SLC8A3: variants seen among roughly 807,000 people sequenced by gnomAD.
SLC8A3 encodes solute carrier family 8 member A3, also known as sodium/calcium exchanger 3.
SLC8A3 carries 37 observed loss-of-function variants against 65.4 expected under a neutral mutation model. The ratio of observed to expected loss-of-function variants is 0.57; its 90% confidence interval spans 0.44 to 0.74. The LOEUF (loss-of-function observed/expected upper bound fraction) is 0.74. Among genes scored for constraint, SLC8A3 ranks in the 30% least tolerant of loss-of-function variants. The probability of loss-of-function intolerance (pLI) is 0.00; values close to 1 mark genes in which losing one functional copy is unlikely to be tolerated. For synonymous variants in SLC8A3, 461 were observed against 444.5 expected (o/e 1.04, Z -0.47); for missense variants, 1,112 against 1,172.1 (o/e 0.95, Z 0.75).
intron 2 of SLC8A3, among the ~76,000 whole-genome samples, chr14:70,133,697 G>A (rs1895004148): frequency 6.6e-6 from 1 of 152,136 alleles, no homozygotes; most frequent in Admixed American, 6.5e-5. Context: ...TAGGGCAACA[G>A]AGATACAGGA....
intron 2 of SLC8A3, among the ~76,000 whole-genome samples, chr14:70,160,297 T>C (rs745432855): frequency 2.6e-5 from 4 of 152,014 alleles, no homozygotes; most frequent in Non-Finnish European, 5.9e-5. Flanking sequence ...ATACAAAAAG[T>C]AGCCAGGCGT....
intron 2 of SLC8A3, 106 bp from the exon 3 acceptor site, chr14:70,061,045 G>C (rs1888747273): frequency 1.6e-6 from 1 of 610,824 alleles, no homozygotes; most frequent in Non-Finnish European, 2.9e-6. Flanking sequence ...GGCACATGCA[G>C]TCCAGTCCCA....
At chr14:70,182,160 CT>C (rs1882805779) in intron 1 of SLC8A3, among the ~76,000 whole-genome samples, 1 of 152,102 alleles carries the variant, frequency 6.6e-6, no homozygotes, top group Admixed American at 6.5e-5. Context: ...GCCAGGGTGA[CT>C]GGAAGTTTGT....
rs554213779 is a variant in SLC8A3, at chr14:70,128,457, C to T, written c.1784+38182G>A. ...TACTACTCATTCCTTCCTCAACAGG[C>T]CCTGCACTTTCTTCTCTTGACCAAA... On this transcript the variant is annotated intron_variant, in intron 2 of 6. Coordinates refer to ENST00000356921, the MANE Select transcript of SLC8A3 (RefSeq NM_182932.3). 7.2e-5 allele frequency among the ~76,000 whole-genome samples: 11 copies of T among 152,286 alleles called. No individual in the cohort carries two copies. In the East Asian group the frequency reaches 1.4e-3, roughly 19 times the overall value.
At chr14:70,116,123 C>A (rs1314933448) in intron 2 of SLC8A3, among the ~76,000 whole-genome samples, 1 of 152,076 alleles carries the variant, frequency 6.6e-6, no homozygotes, top group African/African-American at 2.4e-5. Context: ...GCTGAAAGCT[C>A]AGAGAGGGGG....
chr14:70,087,644 CA>C (rs1187302630), intron 2 of SLC8A3, among the ~76,000 whole-genome samples: 11 of 152,158 alleles, frequency 7.2e-5, no homozygotes, highest in Admixed American at 5.2e-4. Flanking sequence ...CTGCCATTTA[CA>C]ATTTTAGCTC....
At position 70,146,950 on chromosome 14, in the gene SLC8A3, G is replaced by A. The variant is rs189033051; in HGVS notation, c.1784+19689C>T. 2.0e-5 allele frequency among the ~76,000 whole-genome samples: 3 copies of A among 152,276 alleles called. No homozygotes were observed. In the East Asian group the frequency reaches 5.8e-4, roughly 29 times the overall value. On this transcript the variant is annotated intron_variant, in intron 2 of 6. Transcript: ENST00000356921. ...ACGTATATATTAAATAAAGTGTCTTGAAGCAGAAACACACATAAGACAAGG... is the reference window on the plus strand; with the variant it reads ...ACGTATATATTAAATAAAGTGTCTTAAAGCAGAAACACACATAAGACAAGG...
intron 1 of SLC8A3, among the ~76,000 whole-genome samples, chr14:70,170,134 G>C (rs11850592): frequency 6.6e-6 from 1 of 151,744 alleles, no homozygotes; most frequent in South Asian, 2.1e-4. Flanking sequence ...TAAGCATATC[G>C]CTCCCCTGTT....
intron 2 of SLC8A3, among the ~76,000 whole-genome samples, chr14:70,069,216 G>C (rs150949): frequency 0.1 from 15,204 of 152,258 alleles, 923 homozygotes; most frequent in African/African-American, 0.16. Context: ...AGGAGGCACA[G>C]AATTTCCACA....
chr14:70,144,561 A>G (rs1895798990), intron 2 of SLC8A3, among the ~76,000 whole-genome samples: 1 of 151,518 alleles, frequency 6.6e-6, no homozygotes, highest in Non-Finnish European at 1.5e-5. Flanking sequence ...ACCTGGAGGC[A>G]GAGGTTGCAA....
chr14:70,187,655 G>GTT (rs1883429852), intron 1 of SLC8A3, among the ~76,000 whole-genome samples: 1 of 151,138 alleles, frequency 6.6e-6, no homozygotes, highest in Non-Finnish European at 1.5e-5. Context: ...GCGCGCGTGT[G>GTT]TGTTGGGGGA....
chr14:70,092,496 G>A (rs578040988), intron 2 of SLC8A3, among the ~76,000 whole-genome samples: 37 of 152,246 alleles, frequency 2.4e-4, no homozygotes, highest in Non-Finnish European at 4.3e-4. Flanking sequence ...TAAGGTCTGG[G>A]TATTATCACC....
intron 1 of SLC8A3, among the ~76,000 whole-genome samples, chr14:70,176,409 A>T (rs1264566030): frequency 1.3e-5 from 2 of 152,198 alleles, no homozygotes; most frequent in Non-Finnish European, 2.9e-5. Context: ...CCTACTCCAG[A>T]CCTAAGTTTT....
chr14:70,117,475 C>A (rs958421020), intron 2 of SLC8A3, among the ~76,000 whole-genome samples: 1 of 152,244 alleles, frequency 6.6e-6, no homozygotes, highest in African/African-American at 2.4e-5. Context: ...CTCCTTCATG[C>A]AAATCTTCAT....
chr14:70,149,550 G>T (rs887288959), intron 2 of SLC8A3, among the ~76,000 whole-genome samples: 1 of 152,170 alleles, frequency 6.6e-6, no homozygotes, highest in Non-Finnish European at 1.5e-5. Flanking sequence ...GGGGGTGGAA[G>T]GTGTGTGTAC....
At chr14:70,180,097 G>C (rs1035839392) in intron 1 of SLC8A3, among the ~76,000 whole-genome samples, 21 of 152,168 alleles carry the variant, frequency 1.4e-4, no homozygotes, top group Non-Finnish European at 4.4e-5. Context: ...CTGTTGCCAA[G>C]AGAGAACCAC....
intron 4 of SLC8A3, 55 bp downstream of exon 4, chr14:70,051,935 C>T: frequency 6.6e-7 from 1 of 1,516,798 alleles, no homozygotes. Flanking sequence ...CCCAGGTCTT[C>T]TGCCTCCCAC....
intron 2 of SLC8A3, among the ~76,000 whole-genome samples, chr14:70,126,463 A>G (rs1122706): frequency 0.039 from 5,991 of 152,090 alleles, 473 homozygotes; most frequent in East Asian, 0.37. Context: ...ATTTGCTTAG[A>G]ACTACATGAG....
Position 70,044,519 on chromosome 14 carries a change from G to A in SLC8A3, c.*1428C>T, listed in dbSNP as rs1404662810. The A allele has an allele frequency of 6.6e-6, 1 of 152,002 alleles. No homozygotes were observed. Among genetic ancestry groups the A allele is most frequent in the African/African-American group, 2.4e-5 (1 of 41,366 alleles). 9.4% of individuals were successfully genotyped at this position (152,002 alleles called of 1,614,324 possible). Reference sequence around the variant, plus strand: ...GCCAGGTCCTTCCCACATTCGTTGAGAAAAGGTCTGTAGGGCACGGAGATC... The same window carrying A: ...GCCAGGTCCTTCCCACATTCGTTGAAAAAAGGTCTGTAGGGCACGGAGATC... On this transcript the variant is annotated 3_prime_UTR_variant, in exon 7 of 7. Transcript: ENST00000356921.
Sources: gnomAD v4.1 joint callset for allele counts (sites outside exome capture counted in the v4.1 genomes callset) on GRCh38, gnomAD v4.1.1 for gene constraint, MANE v1.5 for transcripts, NCBI Gene and HGNC (gene_info 2026-07-23, HGNC 2026-07-21) for gene names.